Variants in COL25A1 observed in about 807,000 individuals in gnomAD.
COL25A1 encodes the protein collagen type XXV alpha 1 chain.
Under a neutral mutation model 128.4 loss-of-function variants are expected in COL25A1, and 103 were observed. That is an observed-to-expected ratio of 0.80 (90% CI 0.68 to 0.94). The LOEUF (loss-of-function observed/expected upper bound fraction) is 0.94. Ranked by LOEUF, COL25A1 falls within the 40% of genes least tolerant of loss-of-function variation. The pLI, the probability that COL25A1 is intolerant of heterozygous loss-of-function variation, is 0.00. For synonymous variants in COL25A1, 279 were observed against 277.2 expected, an observed-to-expected ratio of 1.01 and a Z score of -0.06; for missense variants, 745 against 840.0, an observed-to-expected ratio of 0.89 and a Z score of 1.40.
intron 3 of COL25A1, among the ~76,000 whole-genome samples, chr4:109,196,265 C>G (rs1350404069): frequency 6.6e-6 from 1 of 152,122 alleles, no homozygotes; most frequent in African/African-American, 2.4e-5. Context: ...GTAACATTTA[C>G]AGATTTGTGC....
At chr4:109,073,847 T>G (rs1234169851) in intron 3 of COL25A1, among the ~76,000 whole-genome samples, 1 of 152,218 alleles carries the variant, frequency 6.6e-6, no homozygotes, top group East Asian at 1.9e-4. Flanking sequence ...AATTTCTCAA[T>G]GTCATTTCCA....
intron 3 of COL25A1, among the ~76,000 whole-genome samples, chr4:109,283,397 C>A (rs1258622764): frequency 6.6e-6 from 1 of 152,074 alleles, no homozygotes; most frequent in Non-Finnish European, 1.5e-5. Flanking sequence ...CCGGCATGTG[C>A]CACCATACCA....
intron 3 of COL25A1, among the ~76,000 whole-genome samples, chr4:109,111,681 T>C (rs1767038760): frequency 6.6e-6 from 1 of 152,168 alleles, no homozygotes; most frequent in South Asian, 2.1e-4. Flanking sequence ...TCTGTGAAGC[T>C]TCCCCTTCCC....
At chr4:109,300,836 C>T (rs902090884) in intron 2 of COL25A1, among the ~76,000 whole-genome samples, 184 bp from the exon 3 acceptor site, 34 of 152,082 alleles carry the variant, frequency 2.2e-4, no homozygotes, top group Admixed American at 3.9e-4. Flanking sequence ...AGAAAATGAC[C>T]ACTGATAGGG....
chr4:109,056,173 C>G (rs998826554), intron 3 of COL25A1, among the ~76,000 whole-genome samples: 11 of 151,892 alleles, frequency 7.2e-5, no homozygotes, highest in Non-Finnish European at 1.6e-4. Context: ...AGTCTTTCTC[C>G]CTTATTTTTA....
intron 19 of COL25A1, among the ~76,000 whole-genome samples, chr4:108,881,523 G>A (rs929709012): frequency 2.0e-5 from 3 of 152,130 alleles, no homozygotes; most frequent in Non-Finnish European, 2.9e-5. Flanking sequence ...TGAGTAATGC[G>A]CTTGCTACCA....
chr4:109,021,134 T>C (rs747583470), intron 5 of COL25A1, among the ~76,000 whole-genome samples: 3 of 152,204 alleles, frequency 2.0e-5, no homozygotes, highest in Non-Finnish European at 4.4e-5. Context: ...ATTTTTTGGA[T>C]ATGGTGTTTT....
chr4:108,957,780 T>C (rs540690751), intron 8 of COL25A1, among the ~76,000 whole-genome samples: 1 of 152,294 alleles, frequency 6.6e-6, no homozygotes, highest in South Asian at 2.1e-4. Flanking sequence ...TTTGCAGTTA[T>C]AAGAAAAGGT....
chr4:108,864,213 A>C (rs978745980), intron 20 of COL25A1, among the ~76,000 whole-genome samples: 4 of 152,242 alleles, frequency 2.6e-5, no homozygotes, highest in Non-Finnish European at 5.9e-5. Flanking sequence ...GTAAATAGAA[A>C]GACCTTTAAA....
At position 109,300,634 on chromosome 4, in the gene COL25A1, C is replaced by T. The variant is rs1471563799; in HGVS notation, c.316G>A (p.Ala106Thr). ...LLAQKSYEHM[A>T]KIRIAREAPS... ...GCTTCTCTTGCGATTCTTATTTTAG[C>T]CATATGTTCATAGGATTTCTGTAGG... Residue 106 changes from alanine to threonine, a missense_variant, in exon 3 of 38, where the codon GCT (alanine) becomes ACT (threonine). By Grantham distance (58) the Ala-to-Thr change is moderately conservative (BLOSUM62 0). Transcript: ENST00000399132. The T allele has an allele frequency of 1.2e-6, 2 of 1,610,746 alleles. No individual in the cohort carries two copies. The highest frequency in any genetic ancestry group is 2.7e-5 in the African/African-American group (2 of 74,954).
rs1781463410 is a variant in COL25A1, at chr4:109,261,752, C to A, written c.367+38831G>T. ...TCGCTCTGTCACCCAGGCTGGAGTG[C>A]AGTGGCATGATCTCGGCTCACTGCG... On this transcript the variant is annotated intron_variant, in intron 3 of 37. Transcript: ENST00000399132. Among the ~76,000 whole-genome samples, 3 of 151,244 alleles carry A rather than the reference C, an allele frequency of 2.0e-5. No individual in the cohort carries two copies. The South Asian group carries it at 6.3e-4, about 32-fold the overall frequency.
chr4:108,958,362 G>A (rs1406915450), intron 8 of COL25A1, among the ~76,000 whole-genome samples: 1 of 151,950 alleles, frequency 6.6e-6, no homozygotes, highest in African/African-American at 2.4e-5. Context: ...CTTAAAACAT[G>A]GGTGTTTCTA....
At chr4:108,996,397 G>A (rs1754778174) in intron 6 of COL25A1, among the ~76,000 whole-genome samples, 1 of 151,960 alleles carries the variant, frequency 6.6e-6, no homozygotes, top group Non-Finnish European at 1.5e-5. Context: ...AATGGTAAAG[G>A]GATTAATGCA....
At chr4:109,183,400 AAC>A (rs1774849508) in intron 3 of COL25A1, among the ~76,000 whole-genome samples, 1 of 152,124 alleles carries the variant, frequency 6.6e-6, no homozygotes, top group South Asian at 2.1e-4. Context: ...ATCACACCTC[AAC>A]CCTCAGGAGC....
chr4:108,899,288 C>G (rs1019017639), intron 14 of COL25A1, 108 bp from the exon 15 acceptor site: 12 of 1,014,436 alleles, frequency 1.2e-5, no homozygotes, highest in African/African-American at 1.6e-5. Flanking sequence ...TTATGCATGA[C>G]ATTTTCTATT....
In COL25A1 at chr4:108,841,677, A is replaced by C. The variant is rs768268857; in HGVS notation, c.1656+18T>G. The C allele has an allele frequency of 2.5e-6, 4 of 1,603,930 alleles. No individual in the cohort carries two copies. The African/African-American group carries it at 5.3e-5, about 21-fold the overall frequency. On this transcript the variant is annotated intron_variant, in intron 31 of 37. Transcript: ENST00000399132. ...CAAGGAAGCAGAAATCAAATAATCA[A>C]GGGATTTGTTGGATTACCTTTGGTC...
At chr4:109,196,354 GAATA>G (rs555359399) in intron 3 of COL25A1, among the ~76,000 whole-genome samples, 2 of 152,010 alleles carry the variant, frequency 1.3e-5, no homozygotes, top group South Asian at 2.1e-4. Flanking sequence ...GTGTATGAGA[GAATA>G]AATATAAAAA....
intron 13 of COL25A1, 96 bp from the exon 14 acceptor site, chr4:108,901,268 A>G (rs1742820761): frequency 2.3e-6 from 2 of 862,548 alleles, no homozygotes; most frequent in African/African-American, 3.4e-5. Context: ...AATTCTCTAG[A>G]AATAGATAAA....
chr4:109,018,041 A>T (rs893342479), intron 5 of COL25A1, among the ~76,000 whole-genome samples: 5 of 147,746 alleles, frequency 3.4e-5, no homozygotes, highest in African/African-American at 9.9e-5. Context: ...TGTCAAGCTT[A>T]TTTTTTTTTT....
Sources: gnomAD v4.1 joint callset for allele counts (sites outside exome capture counted in the v4.1 genomes callset) on GRCh38, gnomAD v4.1.1 for gene constraint, MANE v1.5 for transcripts, NCBI Gene and HGNC (gene_info 2026-07-23, HGNC 2026-07-21) for gene names.